Variants in SNX9 observed in about 807,000 individuals in gnomAD.
SNX9 encodes sorting nexin-9.
SNX9 carries 44 observed loss-of-function variants against 89.4 expected under a neutral mutation model. That is an observed-to-expected ratio of 0.49 (90% CI 0.39 to 0.63). The LOEUF (loss-of-function observed/expected upper bound fraction) is 0.63. Ranked by LOEUF, SNX9 falls within the 30% of genes least tolerant of loss-of-function variation. The probability of loss-of-function intolerance (pLI) is 0.00; values close to 1 mark genes in which losing one functional copy is unlikely to be tolerated. For missense variants in SNX9, 578 were observed against 736.1 expected (o/e 0.79, Z 2.49); for synonymous variants, 236 against 247.8 (o/e 0.95, Z 0.45).
At chr6:157,877,289 G>C (rs1248263832) in intron 4 of SNX9, among the ~76,000 whole-genome samples, 1 of 151,210 alleles carries the variant, frequency 6.6e-6, no homozygotes, top group African/African-American at 2.4e-5. Flanking sequence ...AGCGGGGGGG[G>C]CATCTAGTCT....
At chr6:157,935,761 G>T (rs975969583) in intron 13 of SNX9, among the ~76,000 whole-genome samples, 5 of 152,308 alleles carry the variant, frequency 3.3e-5, no homozygotes, top group Admixed American at 2.0e-4. Flanking sequence ...GCGGGTCGGG[G>T]TGTAGACGAA....
intron 11 of SNX9, among the ~76,000 whole-genome samples, chr6:157,927,607 T>C (rs1397012729): frequency 6.6e-6 from 1 of 152,196 alleles, no homozygotes; most frequent in Non-Finnish European, 1.5e-5. Flanking sequence ...TTTTAATCTG[T>C]TGATTGATTT....
intron 5 of SNX9, among the ~76,000 whole-genome samples, chr6:157,901,536 C>T (rs926996481): frequency 4.0e-5 from 6 of 151,598 alleles, no homozygotes; most frequent in African/African-American, 1.5e-4. Flanking sequence ...AGACAAGGTC[C>T]AGTTTTATTC....
chr6:157,827,399 A>T lies in SNX9; in HGVS notation c.12+3953A>T, dbSNP rs1262731751. Among the ~76,000 whole-genome samples the T allele has an allele frequency of 1.6e-4, 3 of 19,170 alleles. 1 individual carries two copies. The highest frequency in any genetic ancestry group is 2.1e-3 in the Admixed American group (2 of 968). 12.6% of individuals were successfully genotyped at this position (19,170 alleles called of 152,430 possible). A position where few individuals can be genotyped will look rare whatever the true frequency, so the allele number is the denominator to read the frequency against. On this transcript the variant is annotated intron_variant, in intron 1 of 17. Coordinates refer to ENST00000392185, the MANE Select transcript of SNX9 (RefSeq NM_016224.5). ...ATAAACATATATTATAGTTTATATA[A>T]TATATAAACATATATTATAGTTTAT...
intron 3 of SNX9, chr6:157,874,748 C>T (rs748567579): frequency 4.7e-5 from 11 of 233,902 alleles, no homozygotes; most frequent in Non-Finnish European, 8.3e-5. Context: ...ACAATGGAAT[C>T]ACACTAGAAA....
chr6:157,918,797 T>G (rs1290703689), intron 9 of SNX9, among the ~76,000 whole-genome samples: 8 of 152,144 alleles, frequency 5.3e-5, no homozygotes, highest in Non-Finnish European at 1.0e-4. Context: ...ATGCATCTTT[T>G]TTAACATCAC....
At chr6:157,917,369 A>C (rs960138276) in intron 9 of SNX9, among the ~76,000 whole-genome samples, 8 of 151,998 alleles carry the variant, frequency 5.3e-5, no homozygotes, top group African/African-American at 1.9e-4. Context: ...AGTTTCTTAA[A>C]TATAGAAACT....
chr6:157,886,045 G>A (rs558036886), intron 4 of SNX9, among the ~76,000 whole-genome samples: 3 of 152,260 alleles, frequency 2.0e-5, no homozygotes, highest in South Asian at 2.1e-4. Flanking sequence ...ACAGACAGAC[G>A]TCGTGGTGCC....
chr6:157,828,944 G>A (rs545265953), intron 1 of SNX9, among the ~76,000 whole-genome samples: 1 of 152,116 alleles, frequency 6.6e-6, no homozygotes, highest in African/African-American at 2.4e-5. Flanking sequence ...AGCTGAGACT[G>A]TTTGTGATCA....
Position 157,875,140 on chromosome 6 carries a change from T to C in SNX9, c.264T>C (p.Ala88=). The change falls in exon 4 of 18, where the codon GCT becomes GCC. Residue 88 remains alanine, a synonymous_variant. Transcript: ENST00000392185. The part of the protein sequence containing the change: ...AFLDSLSAST[A]QASSSAASNN... The stretch of plus-strand genomic sequence containing the variant: ...TTGATTCTCTCTCAGCCAGCACAGC[T>C]CAGGCCAGTTCGTCGGCTGCCAGCA... 2 of 1,611,330 alleles carry C rather than the reference T, an allele frequency of 1.2e-6. No homozygotes were observed. The highest frequency in any genetic ancestry group is 1.7e-6 in the Non-Finnish European group (2 of 1,178,546).
chr6:157,900,804 G>A (rs1352868780), intron 5 of SNX9, among the ~76,000 whole-genome samples: 1 of 152,194 alleles, frequency 6.6e-6, no homozygotes, highest in Non-Finnish European at 1.5e-5. Flanking sequence ...TGATTAGCAA[G>A]ATATTAATCA....
intron 4 of SNX9, among the ~76,000 whole-genome samples, chr6:157,886,535 A>G (rs186585020): frequency 3.9e-4 from 59 of 152,356 alleles, no homozygotes; most frequent in African/African-American, 1.4e-3. Flanking sequence ...ACACACAAAC[A>G]TACAGATATA....
chr6:157,879,348 A>G (rs1007744267), intron 4 of SNX9, among the ~76,000 whole-genome samples: 3 of 152,222 alleles, frequency 2.0e-5, no homozygotes, highest in African/African-American at 7.2e-5. Context: ...TTAGATGTAC[A>G]GATAGAGGTA....
At chr6:157,859,462 A>G (rs1046170031) in intron 1 of SNX9, among the ~76,000 whole-genome samples, 3 of 152,226 alleles carry the variant, frequency 2.0e-5, no homozygotes, top group African/African-American at 7.2e-5. Flanking sequence ...TTTTGACAGC[A>G]TAGCCTGGTT....
At chr6:157,876,788 C>T (rs1239111227) in intron 4 of SNX9, among the ~76,000 whole-genome samples, 1 of 152,214 alleles carries the variant, frequency 6.6e-6, no homozygotes, top group Non-Finnish European at 1.5e-5. Flanking sequence ...CCTAGTGGGG[C>T]GGGCCCATCC....
intron 1 of SNX9, among the ~76,000 whole-genome samples, chr6:157,827,573 ATATAT>A (rs1375707277): frequency 8.2e-5 from 11 of 134,738 alleles, no homozygotes; most frequent in African/African-American, 2.8e-4. Context: ...ATATATAAAT[ATATAT>A]TATATTATAG....
chr6:157,834,279 C>T (rs1166838684), intron 1 of SNX9, among the ~76,000 whole-genome samples: 1 of 147,776 alleles, frequency 6.8e-6, no homozygotes, highest in Non-Finnish European at 1.5e-5. Flanking sequence ...GCGATCCTCT[C>T]ACCTCAACAT....
At chr6:157,906,252 GCT>G (rs1027673462) in intron 7 of SNX9, 40 bp downstream of exon 7, 1 of 1,520,352 alleles carries the variant, frequency 6.6e-7, no homozygotes, top group African/African-American at 1.4e-5. Flanking sequence ...TTCTGATTAA[GCT>G]CTTTCTTATA....
chr6:157,935,367 G>C (rs115378133), intron 13 of SNX9, among the ~76,000 whole-genome samples: 2 of 152,194 alleles, frequency 1.3e-5, no homozygotes, highest in African/African-American at 2.4e-5. Flanking sequence ...AACTGGTGGT[G>C]TGTGACTCTG....
Sources: allele counts gnomAD v4.1 joint callset (sites outside exome capture counted in the v4.1 genomes callset), GRCh38; gene constraint gnomAD v4.1.1; transcripts MANE v1.5; gene names NCBI Gene and HGNC (gene_info 2026-07-23, HGNC 2026-07-21).